The following CNP variants were observed in gnomAD, a reference collection of about 807,000 sequenced individuals.
CNP encodes 2',3'-cyclic-nucleotide 3'-phosphodiesterase.
In CNP, 8 loss-of-function variants were observed where a neutral mutation model predicts 37.9. The observed-to-expected ratio is 0.21, with a 90% CI of 0.12 to 0.38. CNP has a LOEUF of 0.38. Ranked by LOEUF, CNP falls within the 10% of genes least tolerant of loss-of-function variation. CNP has a pLI of 1.00. For synonymous variants in CNP, 237 were observed against 238.3 expected (o/e 0.99, Z 0.05); for missense variants, 457 against 551.0 (o/e 0.83, Z 1.71).
At chr17:41,967,551 C>A in intron 1 of CNP, 1 of 544,326 alleles carries the variant, frequency 1.8e-6, no homozygotes, top group Non-Finnish European at 2.4e-6. Context: ...GCTCTCCTGC[C>A]CTGCCCCCCA....
intron 1 of CNP, chr17:41,967,659 C>G: frequency 9.7e-7 from 1 of 1,026,320 alleles, no homozygotes; most frequent in Non-Finnish European, 1.2e-6. Flanking sequence ...TTGGGGTAAC[C>G]CTTCTCCACT....
rs2050942891 is a variant in CNP, at chr17:41,968,870, G to A, written c.676+130G>A. The A allele has an allele frequency of 9.0e-7, 1 of 1,112,868 alleles. No individual in the cohort carries two copies. Among genetic ancestry groups the A allele is most frequent in the Admixed American group, 2.8e-5 (1 of 35,132 alleles). The allele number at this position is 1,112,868 out of a possible 1,614,324, so 68.9% of individuals were successfully genotyped here. A position where few individuals can be genotyped will look rare whatever the true frequency, so the allele number is the denominator to read the frequency against. On this transcript the variant is annotated intron_variant, in intron 2 of 3. Coordinates refer to ENST00000393892, the MANE Select transcript of CNP (RefSeq NM_033133.5). The surrounding 1 kb of genome is among the most constrained non-coding windows in gnomAD (Gnocchi z 4.8). ...GGCAGAGAGAGGCTCACCTCAGCGG[G>A]GGCAGGGGCAAGCGGTGCGTCCCAG...
chr17:41,967,680 T>C, intron 1 of CNP: 1 of 1,038,008 alleles, frequency 9.6e-7, no homozygotes, highest in Non-Finnish European at 1.2e-6. Context: ...CCCCCCCTTC[T>C]CTGTGCACTC....
intron 2 of CNP, chr17:41,971,642 C>A (rs1293773458): frequency 2.0e-5 from 6 of 306,700 alleles, no homozygotes; most frequent in Non-Finnish European, 3.7e-5. Flanking sequence ...TTGTGATCCA[C>A]CCACCTCGGC....
chr17:41,967,074 C>A (rs2050908563), intron 1 of CNP, 187 bp downstream of exon 1: 1 of 538,168 alleles, frequency 1.9e-6, no homozygotes, highest in Non-Finnish European at 2.8e-6. Context: ...CCGGAGAGGC[C>A]GCTGTAAAGG....
In CNP at chr17:41,976,309, G is replaced by A. The variant is rs1555644754; in HGVS notation, c.*2385G>A. Reference sequence around the variant, plus strand: ...GCTGGACAGGTCTGGGAGAGGCAGAGTGCCCCACCTGCCACTAGGCTGGGT... The same window carrying A: ...GCTGGACAGGTCTGGGAGAGGCAGAATGCCCCACCTGCCACTAGGCTGGGT... On this transcript the variant is annotated 3_prime_UTR_variant, in exon 4 of 4. Coordinates refer to ENST00000393892, the MANE Select transcript of CNP (RefSeq NM_033133.5). 2 of 215,390 alleles carry A rather than the reference G, an allele frequency of 9.3e-6. No individual in the cohort carries two copies. Among genetic ancestry groups the A allele is most frequent in the Admixed American group, 6.3e-5 (1 of 15,840 alleles). 13.3% of individuals were successfully genotyped at this position (215,390 alleles called of 1,614,324 possible).
In CNP at chr17:41,973,482, A is replaced by G; in HGVS notation, c.824A>G (p.Lys275Arg). 6.2e-7 allele frequency: 1 copy of G among 1,613,560 alleles called. No individual in the cohort carries two copies. The highest frequency in any genetic ancestry group is 8.5e-7 in the Non-Finnish European group (1 of 1,179,646). The stretch of plus-strand genomic sequence containing the variant: ...CTTTCTCACTCTCCCCAGGTGTTAA[A>G]GAAATCTTACTCCAAGGCCTTCACG... The part of the protein sequence containing the change: ...AEEYAQQDVL[K>R]KSYSKAFTLT... Residue 275 changes from lysine (K) to arginine (R), a missense_variant, in exon 4 of 4, where the codon AAG becomes AGG. Transcript: ENST00000393892.
rs781968189 is a variant in CNP, at chr17:41,968,193, G to A, written c.129G>A (p.Val43=). The change falls in exon 2 of 4, where the codon GTG becomes GTA. Residue 43 remains valine, a synonymous_variant. Transcript: ENST00000393892. The surrounding 1 kb of genome is among the most constrained non-coding windows in gnomAD (Gnocchi z 4.8). ...QFPFLQDEDT[V]ATLLECKTLF... is the part of the protein sequence containing the mutation. ...CCTTCCTTCAGGATGAGGACACAGT[G>A]GCCACGCTGCTAGAGTGCAAGACGC... is the stretch of plus-strand genomic sequence containing the variant. 23 of 1,614,080 alleles carry A rather than the reference G, an allele frequency of 1.4e-5. No individual in the cohort carries two copies. Among genetic ancestry groups the A allele is most frequent in the Non-Finnish European group, 1.8e-5 (21 of 1,180,054 alleles).
At position 41,971,894 on chromosome 17, in the gene CNP, G is replaced by C; in HGVS notation, c.679G>C (p.Val227Leu). Residue 227 changes from valine (V) to leucine (L), a missense_variant and splice_region_variant, in exon 3 of 4, where the codon GTC becomes CTC. Physicochemically the swap from Val to Leu is conservative, Grantham distance 32. This residue lies in a region of CNP where 291 missense variants were observed against 291.7 expected (regional missense o/e 1.00). Coordinates refer to ENST00000393892, the MANE Select transcript of CNP (RefSeq NM_033133.5). ...CTGCACCCGTTTTCTCCCGGCAGTCGTCCCTGGGGATGAGCCCAGGGAGAA... is the reference window on the plus strand; with the variant it reads ...CTGCACCCGTTTTCTCCCGGCAGTCCTCCCTGGGGATGAGCCCAGGGAGAA... ...KAFKKELRQF[V>L]PGDEPREKMD... 2.5e-6 allele frequency: 4 copies of C among 1,613,696 alleles called. No individual in the cohort carries two copies. The highest frequency in any genetic ancestry group is 3.4e-6 in the Non-Finnish European group (4 of 1,179,844).
chr17:41,972,463 C>T (rs1020317715), intron 3 of CNP, among the ~76,000 whole-genome samples: 8 of 152,148 alleles, frequency 5.3e-5, no homozygotes, highest in South Asian at 2.1e-4. Context: ...GAGTTTCATA[C>T]GATAATGAAG....
intron 2 of CNP, among the ~76,000 whole-genome samples, chr17:41,970,096 G>C (rs1331528596): frequency 2.6e-5 from 4 of 151,628 alleles, no homozygotes; most frequent in Admixed American, 2.0e-4. Flanking sequence ...GCTCAAAGTT[G>C]CTTTTAATAT....
chr17:41,967,766 C>A, intron 1 of CNP: 1 of 1,175,396 alleles, frequency 8.5e-7, no homozygotes, highest in Non-Finnish European at 1.1e-6. Context: ...AGGTGCCAAG[C>A]ATATAAGAGT....
In CNP at chr17:41,973,841, A is replaced by T; in HGVS notation, c.1183A>T (p.Thr395Ser). 6.2e-7 allele frequency: 1 copy of T among 1,605,166 alleles called. No individual in the cohort carries two copies. The highest frequency in any genetic ancestry group is 1.1e-5 in the South Asian group (1 of 89,772). The change falls in exon 4 of 4, where the codon ACG becomes TCG. Residue 395 changes from threonine to serine, a missense_variant. Thr to Ser is a moderately conservative substitution (Grantham distance 58). This residue lies in a region of CNP where 291 missense variants were observed against 291.7 expected (regional missense o/e 1.00). Transcript: ENST00000393892. ...AKNMEVRAIF[T>S]GYYGKGKPVP... ...GAACATGGAGGTCAGGGCCATCTTC[A>T]CGGGGTACTACGGGAAAGGCAAACC...
chr17:41,976,952 T>G lies in CNP; in HGVS notation c.*3028T>G, dbSNP rs1955318067. On this transcript the variant is annotated 3_prime_UTR_variant, in exon 4 of 4. Coordinates refer to ENST00000393892, the MANE Select transcript of CNP (RefSeq NM_033133.5). ...AGGGAGCACGTGACTGTATTATACATGGGTAGCTTCTGACCTCAGCATTAT... is the reference window on the plus strand; with the variant it reads ...AGGGAGCACGTGACTGTATTATACAGGGGTAGCTTCTGACCTCAGCATTAT... The G allele has an allele frequency of 1.4e-6, 1 of 709,054 alleles. No homozygotes were observed. Among genetic ancestry groups the G allele is most frequent in the Non-Finnish European group, 2.3e-6 (1 of 433,140 alleles). The allele number at this position is 709,054 out of a possible 1,614,324, so 43.9% of individuals were successfully genotyped here. A position where few individuals can be genotyped will look rare whatever the true frequency, so the allele number is the denominator to read the frequency against.
chr17:41,968,816 C>T lies in CNP; in HGVS notation c.676+76C>T. Reference sequence around the variant, plus strand: ...CTGCGGGCAAAGGACCATCATTGTACTCAAAGGATGGAGCACGAAGCAGCA... The same window carrying T: ...CTGCGGGCAAAGGACCATCATTGTATTCAAAGGATGGAGCACGAAGCAGCA... On this transcript the variant is annotated intron_variant, in intron 2 of 3. Coordinates refer to ENST00000393892, the MANE Select transcript of CNP (RefSeq NM_033133.5). The surrounding 1 kb of genome is among the most constrained non-coding windows in gnomAD (Gnocchi z 4.8). The T allele has an allele frequency of 4.1e-6, 6 of 1,451,444 alleles. No homozygotes were observed. Among genetic ancestry groups the T allele is most frequent in the Non-Finnish European group, 5.5e-6 (6 of 1,086,456 alleles). The allele number at this position is 1,451,444 out of a possible 1,614,324, so 89.9% of individuals were successfully genotyped here.
rs1555644535 is a variant in CNP at position 41,975,140 on chromosome 17, T to C, written c.*1216T>C. On this transcript the variant is annotated 3_prime_UTR_variant, in exon 4 of 4. Transcript: ENST00000393892. ...GGCTTTGCCCAACCTCAGCAACCTG[T>C]AAGACTGATAATGAAATAAATCATG... The C allele has an allele frequency of 6.6e-6, 1 of 152,288 alleles. No homozygotes were observed. Among genetic ancestry groups the C allele is most frequent in the Admixed American group, 6.5e-5 (1 of 15,286 alleles). The allele number at this position is 152,288 out of a possible 1,614,324, so 9.4% of individuals were successfully genotyped here.
chr17:41,973,790 G>A lies in CNP; in HGVS notation c.1132G>A (p.Gly378Arg). ...SRGKLYSLGN[G>R]RWMLTLAKNM... ...GGGCAAGCTCTATTCCTTGGGCAAT[G>A]GGCGCTGGATGCTGACCCTGGCCAA... Residue 378 changes from glycine (G) to arginine (R), a missense_variant, in exon 4 of 4, where the codon GGG (glycine) becomes AGG (arginine). Gly to Arg is a moderately radical substitution (Grantham distance 125). Transcript: ENST00000393892. 1 of 1,612,790 alleles carries A rather than the reference G, an allele frequency of 6.2e-7. No homozygotes were observed. Among genetic ancestry groups the A allele is most frequent in the African/African-American group, 1.3e-5 (1 of 75,036 alleles).
chr17:41,967,957 C>T, intron 1 of CNP, 111 bp from the exon 2 acceptor site: 1 of 1,512,120 alleles, frequency 6.6e-7, no homozygotes, highest in East Asian at 2.3e-5. Flanking sequence ...AAAGAAGGTC[C>T]AGCACTGCCC....
Position 41,968,955 on chromosome 17 carries a change from C to T in CNP, c.676+215C>T, listed in dbSNP as rs782641018. Among the ~76,000 whole-genome samples the T allele has an allele frequency of 1.3e-5, 2 of 152,150 alleles. No homozygotes were observed. The highest frequency in any genetic ancestry group is 2.9e-5 in the Non-Finnish European group (2 of 68,024). ...CACGGGGGCTTCCCAGAGCGCCTTT[C>T]CTCCCACCACACCTATCCTTCTAGC... On this transcript the variant is annotated intron_variant, in intron 2 of 3. Coordinates refer to ENST00000393892, the MANE Select transcript of CNP (RefSeq NM_033133.5). This position sits in a 1 kb window ranked among gnomAD's most constrained non-coding sequence, Gnocchi z 4.8.
Sources: gnomAD v4.1 joint callset for allele counts (sites outside exome capture counted in the v4.1 genomes callset) on GRCh38, gnomAD v4.1.1 for gene constraint, gnomAD v4.1.1 regional missense constraint, Gnocchi (gnomAD v3.1) non-coding constraint, MANE v1.5 for transcripts, NCBI Gene and HGNC (gene_info 2026-07-23, HGNC 2026-07-21) for gene names.